ESPL1: variants seen among roughly 807,000 people sequenced by gnomAD.
The protein encoded by ESPL1 is separin.
ESPL1 carries 50 observed loss-of-function variants against 217.2 expected under a neutral mutation model. The observed-to-expected ratio is 0.23, with a 90% confidence interval of 0.18 to 0.29. ESPL1 has a LOEUF of 0.29. ESPL1 is among the 10% of genes least tolerant of loss of function. The pLI, the probability that ESPL1 is intolerant of heterozygous loss-of-function variation, is 1.00. For missense variants in ESPL1, 1,834 were observed against 2,603.0 expected, an observed-to-expected ratio of 0.70 and a Z score of 6.43; for synonymous variants, 994 against 1,081.3, an observed-to-expected ratio of 0.92 and a Z score of 1.58.
chr12:53,285,569 C>T (rs1024673713), intron 17 of ESPL1, among the ~76,000 whole-genome samples: 5 of 152,056 alleles, frequency 3.3e-5, no homozygotes, highest in Non-Finnish European at 7.4e-5. Flanking sequence ...ATTAGCCGGG[C>T]GTGGTGGTGG....
chr12:53,277,901 C>T lies in ESPL1; in HGVS notation c.2305C>T (p.Leu769Phe). ...TKGQAPAVRC[L>F]QQTAASLQIL... is the part of the protein sequence containing the mutation. ...GGGGCAGGCCCCAGCTGTACGGTGT[C>T]TCCAGCAGACAGCAGCCTCACTGCA... Residue 769 changes from leucine to phenylalanine, a missense_variant, in exon 11 of 31, where the codon CTC becomes TTC. By Grantham distance (22) the Leu-to-Phe change is conservative. Coordinates refer to ENST00000257934, the MANE Select transcript of ESPL1 (RefSeq NM_012291.5). 1 of 1,614,162 alleles carries T rather than the reference C, an allele frequency of 6.2e-7. No homozygotes were observed. The highest frequency in any genetic ancestry group is 8.5e-7 in the Non-Finnish European group (1 of 1,180,032).
In ESPL1 at chr12:53,272,908, G is replaced by C. The variant is rs752249456; in HGVS notation, c.1506+51G>C. ...AAGGAGCTTATGTGGTTGGGGAGCG[G>C]GGGGAGCGGGGAAGGGCCTCACCAG... On this transcript the variant is annotated intron_variant, in intron 6 of 30. Coordinates refer to ENST00000257934, the MANE Select transcript of ESPL1 (RefSeq NM_012291.5). The C allele has an allele frequency of 1.3e-5, 20 of 1,599,712 alleles. No homozygotes were observed. The East Asian group carries it at 4.2e-4, about 34-fold the overall frequency.
rs752355574 is a variant in ESPL1 at position 53,277,888 on chromosome 12, A to G, written c.2292A>G (p.Pro764=). The G allele has an allele frequency of 6.2e-7, 1 of 1,614,186 alleles. No individual in the cohort carries two copies. The highest frequency in any genetic ancestry group is 1.1e-5 in the South Asian group (1 of 91,082). ...WKELLTKGQA[P]AVRCLQQTAA... ...AGCTGCTTACAAAGGGGCAGGCCCC[A>G]GCTGTACGGTGTCTCCAGCAGACAG... Residue 764 remains proline (P), a synonymous_variant, in exon 11 of 31, where the codon CCA becomes CCG. Transcript: ENST00000257934.
At position 53,289,142 on chromosome 12, in the gene ESPL1, C is replaced by A; in HGVS notation, c.4761C>A (p.Gly1587=). ...ACTCCCTGAGTGTTGCTTTCCGGGGCATTAGTCACTGTCCTCCTAGTGGGC... is the reference window on the plus strand; with the variant it reads ...ACTCCCTGAGTGTTGCTTTCCGGGGAATTAGTCACTGTCCTCCTAGTGGGC... ...ICDSLSVAFR[G]ISHCPPSGLY... Residue 1587 remains glycine, a synonymous_variant, in exon 21 of 31, where the codon GGC becomes GGA. Transcript: ENST00000257934. The A allele has an allele frequency of 6.2e-7, 1 of 1,614,206 alleles. No individual in the cohort carries two copies. Among genetic ancestry groups the A allele is most frequent in the Non-Finnish European group, 8.5e-7 (1 of 1,180,020 alleles).
In ESPL1 at chr12:53,286,559, A is replaced by G; in HGVS notation, c.3823A>G (p.Thr1275Ala). 6.2e-7 allele frequency: 1 copy of G among 1,614,160 alleles called. No homozygotes were observed. The highest frequency in any genetic ancestry group is 1.7e-5 in the Admixed American group (1 of 60,020). ...RASLLLIWAL[T>A]KLGGLSCCTT... ...CAGCCTGCTCTTGATTTGGGCCCTC[A>G]CAAAACTAGGTGGCCTCAGCTGCTG... is the stretch of plus-strand genomic sequence containing the variant. The change falls in exon 18 of 31, where the codon ACA becomes GCA. Residue 1275 changes from threonine to alanine, a missense_variant. Thr to Ala is a moderately conservative substitution (Grantham distance 58). This residue lies in a region of ESPL1 where 681 missense variants were observed against 808.0 expected (regional missense o/e 0.84). Coordinates refer to ENST00000257934, the MANE Select transcript of ESPL1 (RefSeq NM_012291.5). This position sits in a 1 kb window ranked among gnomAD's most constrained non-coding sequence, Gnocchi z 5.3.
At chr12:53,272,967 A>G (rs968008041) in intron 6 of ESPL1, 110 bp downstream of exon 6, 15 of 1,044,462 alleles carry the variant, frequency 1.4e-5, no homozygotes, top group African/African-American at 6.4e-5. Flanking sequence ...TAATAGCAGC[A>G]TGTTGACACC....
rs1238349789 is a variant in ESPL1, at chr12:53,272,169, C to G, written c.1370-552C>G. 1.3e-5 allele frequency among the ~76,000 whole-genome samples: 2 copies of G among 151,912 alleles called. 1 individual carries two copies. Among genetic ancestry groups the G allele is most frequent in the Middle Eastern group, 6.4e-3 (2 of 312 alleles). On this transcript the variant is annotated intron_variant, in intron 5 of 30. Coordinates refer to ENST00000257934, the MANE Select transcript of ESPL1 (RefSeq NM_012291.5). ...TACTTGGATGTGTCGGTAAGCAAAACAAAGTTTCCTTCCCTCATGGAGCCA... is the reference window on the plus strand; with the variant it reads ...TACTTGGATGTGTCGGTAAGCAAAAGAAAGTTTCCTTCCCTCATGGAGCCA...
chr12:53,290,928 G>A lies in ESPL1; in HGVS notation c.5452G>A (p.Glu1818Lys). ...CAGTGAGGAGCCCGGCCCTGCCCAGGAGGCCTCCCGCCTACAGGAGCTGCT... is the reference window on the plus strand; with the variant it reads ...CAGTGAGGAGCCCGGCCCTGCCCAGAAGGCCTCCCGCCTACAGGAGCTGCT... The part of the protein sequence containing the change: ...PSSEEPGPAQ[E>K]ASRLQELLQD... The change falls in exon 25 of 31, where the codon GAG (glutamate) becomes AAG (lysine). Residue 1818 changes from glutamate to lysine, a missense_variant. Around this residue, in one of 5 missense-constraint regions of ESPL1, gnomAD observed 295 missense variants for 519.8 expected, o/e 0.57. Transcript: ENST00000257934. 1.2e-6 allele frequency: 2 copies of A among 1,606,260 alleles called. No individual in the cohort carries two copies. Among genetic ancestry groups the A allele is most frequent in the Non-Finnish European group, 1.7e-6 (2 of 1,176,698 alleles).
Position 53,286,716 on chromosome 12 carries a change from C to T in ESPL1, c.3980C>T (p.Pro1327Leu), listed in dbSNP as rs1381157201. ...GGGCGCCAAAAGTTAGCCTCTGCTCCCCTGCGCCTCAATAATACCTCTCAG... is the reference window on the plus strand; with the variant it reads ...GGGCGCCAAAAGTTAGCCTCTGCTCTCCTGCGCCTCAATAATACCTCTCAG... ...GRGRQKLASA[P>L]LRLNNTSQKG... The change falls in exon 18 of 31, where the codon CCC becomes CTC. Residue 1327 changes from proline (P) to leucine (L), a missense_variant. This residue lies in a region of ESPL1 where 681 missense variants were observed against 808.0 expected (regional missense o/e 0.84). Transcript: ENST00000257934. The surrounding 1 kb of genome is among the most constrained non-coding windows in gnomAD (Gnocchi z 5.3). The T allele has an allele frequency of 6.2e-7, 1 of 1,614,024 alleles. No homozygotes were observed. The highest frequency in any genetic ancestry group is 8.5e-7 in the Non-Finnish European group (1 of 1,180,026).
chr12:53,272,917 G>A, intron 6 of ESPL1, 60 bp downstream of exon 6: 1 of 1,589,432 alleles, frequency 6.3e-7, no homozygotes, highest in Non-Finnish European at 8.6e-7. Context: ...GGGGGGAGCG[G>A]GGAAGGGCCT....
chr12:53,272,000 T>C (rs542951603), intron 5 of ESPL1, among the ~76,000 whole-genome samples: 1 of 150,764 alleles, frequency 6.6e-6, no homozygotes, highest in South Asian at 2.1e-4. Flanking sequence ...GGCAGGAGAA[T>C]GGTGTGAACC....
rs766405704 is a variant in ESPL1, at chr12:53,269,186, T to C, written c.244T>C (p.Cys82Arg). Residue 82 changes from cysteine (C) to arginine (R), a missense_variant, in exon 3 of 31, where the codon TGT becomes CGT. Coordinates refer to ENST00000257934, the MANE Select transcript of ESPL1 (RefSeq NM_012291.5). The surrounding 1 kb of genome is among the most constrained non-coding windows in gnomAD (Gnocchi z 6.7). ...CCTGCTGGAGCTGGCAGAGCTGGCC[T>C]GTGATGGCTACTTAGTGTCTACCCC... ...GSLLELAELACDGYLVSTPQR... is the reference protein window; with the variant it reads ...GSLLELAELARDGYLVSTPQR... 6.2e-7 allele frequency: 1 copy of C among 1,614,202 alleles called. No individual in the cohort carries two copies. Among genetic ancestry groups the C allele is most frequent in the Admixed American group, 1.7e-5 (1 of 60,028 alleles).
Position 53,272,829 on chromosome 12 carries a change from G to A in ESPL1, c.1478G>A (p.Gly493Asp). The A allele has an allele frequency of 1.2e-6, 2 of 1,614,070 alleles. No homozygotes were observed. The highest frequency in any genetic ancestry group is 1.7e-6 in the Non-Finnish European group (2 of 1,180,018). Reference sequence around the variant, plus strand: ...CAGCACCTGGGTTTGGTGAAGCCAGGCACTTATCCCGAGGTGCCTCCTGAG... The same window carrying A: ...CAGCACCTGGGTTTGGTGAAGCCAGACACTTATCCCGAGGTGCCTCCTGAG... ...LCQHLGLVKP[G>D]TYPEVPPEKL... is the part of the protein sequence containing the mutation. Residue 493 changes from glycine to aspartate, a missense_variant, in exon 6 of 31, where the codon GGC becomes GAC. Gly to Asp is a moderately conservative substitution (Grantham distance 94). Transcript: ENST00000257934.
chr12:53,276,762 C>T lies in ESPL1; in HGVS notation c.1843C>T (p.Pro615Ser), dbSNP rs868583594. 4 of 1,613,708 alleles carry T rather than the reference C, an allele frequency of 2.5e-6. No individual in the cohort carries two copies. The South Asian group carries it at 4.4e-5, about 18-fold the overall frequency. ...NIICDLLELSPEETPAGAWAR... is the reference protein window; with the variant it reads ...NIICDLLELSSEETPAGAWAR... ...CATCTGTGACCTCCTGGAGCTGAGC[C>T]CCGAGGAGACACCAGCCGGGGCCTG... Residue 615 changes from proline to serine, a missense_variant, in exon 8 of 31, where the codon CCC (proline) becomes TCC (serine). By Grantham distance (74) the Pro-to-Ser change is moderately conservative (BLOSUM62 -1). Transcript: ENST00000257934.
chr12:53,292,699 G>T lies in ESPL1; in HGVS notation c.5996+42G>T. ...GGGATGTGGGGAGAGGGGCAGTCCT[G>T]AGGATGGTATCACCATGGGTTGCTT... On this transcript the variant is annotated intron_variant, in intron 29 of 30. Transcript: ENST00000257934. This position sits in a 1 kb window ranked among gnomAD's most constrained non-coding sequence, Gnocchi z 4.5. 1 of 1,601,330 alleles carries T rather than the reference G, an allele frequency of 6.2e-7. No homozygotes were observed.
chr12:53,272,637 TC>T (rs1943695310), intron 5 of ESPL1, 83 bp from the exon 6 acceptor site: 1 of 1,498,362 alleles, frequency 6.7e-7, no homozygotes, highest in East Asian at 2.3e-5. Context: ...TGACCACAGA[TC>T]CAGCTGATCT....
At chr12:53,290,757 A>AT (rs1944042020) in intron 24 of ESPL1, 84 bp from the exon 25 acceptor site, 2 of 370,304 alleles carry the variant, frequency 5.4e-6, no homozygotes, top group South Asian at 8.6e-5. Context: ...TGGAAAACGC[A>AT]TTTTCTCATC....
rs1474921932 is a variant in ESPL1, at chr12:53,288,075, G to A, written c.4280G>A (p.Arg1427Gln). Residue 1427 changes from arginine (R) to glutamine (Q), a missense_variant, in exon 19 of 31, where the codon CGA (arginine) becomes CAA (glutamine). Transcript: ENST00000257934. ...RRGTASRGRGRARKGLSLKTD... is the reference protein window; with the variant it reads ...RRGTASRGRGQARKGLSLKTD... ...GGCACTGCTTCCCGGGGCCGGGGGCGAGCAAGGAAGGGCCTGAGCCTAAAG... is the reference window on the plus strand; with the variant it reads ...GGCACTGCTTCCCGGGGCCGGGGGCAAGCAAGGAAGGGCCTGAGCCTAAAG... 9 of 1,613,498 alleles carry A rather than the reference G, an allele frequency of 5.6e-6. No individual in the cohort carries two copies. Among genetic ancestry groups the A allele is most frequent in the Middle Eastern group, 1.7e-4 (1 of 5,816 alleles).
In ESPL1 at chr12:53,270,524, G is replaced by A. The variant is rs202169505; in HGVS notation, c.1248+42G>A. ...AAGGTACCTGGACTAGGCTCATAGGGTTTGGGGTTGCTCCACTGCCCTCAA... is the reference window on the plus strand; with the variant it reads ...AAGGTACCTGGACTAGGCTCATAGGATTTGGGGTTGCTCCACTGCCCTCAA... On this transcript the variant is annotated intron_variant, in intron 4 of 30. Transcript: ENST00000257934. The A allele has an allele frequency of 2.4e-4, 314 of 1,294,632 alleles. No homozygotes were observed. In the African/African-American group the frequency reaches 3.8e-3, roughly 16 times the overall value. The allele number at this position is 1,294,632 out of a possible 1,614,324, so 80.2% of individuals were successfully genotyped here.
Sources: gnomAD v4.1 joint callset for allele counts (sites outside exome capture counted in the v4.1 genomes callset) on GRCh38, gnomAD v4.1.1 for gene constraint, gnomAD v4.1.1 regional missense constraint, Gnocchi (gnomAD v3.1) non-coding constraint, MANE v1.5 for transcripts, NCBI Gene and HGNC (gene_info 2026-07-23, HGNC 2026-07-21) for gene names.